The following PCF11 variants were observed in gnomAD, a reference collection of about 807,000 sequenced individuals.
PCF11 encodes pre-mRNA cleavage complex 2 protein Pcf11.
Under a neutral mutation model 166.1 loss-of-function variants are expected in PCF11, and 19 were observed. That is an observed-to-expected ratio of 0.11 (90% CI 0.08 to 0.17). The LOEUF (loss-of-function observed/expected upper bound fraction) is 0.17, where lower values mean the gene tolerates loss of function less well. Ranked by LOEUF, PCF11 falls within the 10% of genes least tolerant of loss-of-function variation. The pLI is 1.00. For synonymous variants in PCF11, 663 were observed against 644.1 expected (o/e 1.03, Z -0.44); for missense variants, 1,565 against 1,855.5 (o/e 0.84, Z 2.88).
At chr11:83,183,345 T>C (rs544479404) in intron 15 of PCF11, among the ~76,000 whole-genome samples, 38 of 152,320 alleles carry the variant, frequency 2.5e-4, no homozygotes, top group Admixed American at 1.6e-3. Flanking sequence ...TCATGGTATC[T>C]TTTACTAGTC....
At chr11:83,183,835 A>G (rs561676875) in intron 15 of PCF11, among the ~76,000 whole-genome samples, 84 of 152,242 alleles carry the variant, frequency 5.5e-4, no homozygotes, top group Non-Finnish European at 1.2e-3. Flanking sequence ...TCTAAAAATG[A>G]TACCAGTCGT....
intron 9 of PCF11, 104 bp from the exon 10 acceptor site, chr11:83,176,981 A>C (rs973871965): frequency 8.8e-6 from 6 of 678,038 alleles, no homozygotes; most frequent in Non-Finnish European, 1.3e-5. Flanking sequence ...TGTTGGCAGG[A>C]CATCTTGAAG....
rs771273315 is a variant in PCF11, at chr11:83,161,472, C to T, written c.318+20C>T. 2.0e-6 allele frequency: 3 copies of T among 1,516,014 alleles called. No homozygotes were observed. The highest frequency in any genetic ancestry group is 2.6e-5 in the Admixed American group (1 of 39,050). The allele number at this position is 1,516,014 out of a possible 1,614,324, so 93.9% of individuals were successfully genotyped here. On this transcript the variant is annotated intron_variant, in intron 2 of 15. Transcript: ENST00000298281. The stretch of plus-strand genomic sequence containing the variant: ...GAAAAGGTACATATGCATTTAGAAA[C>T]ATTTGCGTTTTTTTTTAAAAAATGT...
At chr11:83,173,151 T>G (rs1197345672) in intron 9 of PCF11, among the ~76,000 whole-genome samples, 1 of 152,146 alleles carries the variant, frequency 6.6e-6, no homozygotes, top group African/African-American at 2.4e-5. Context: ...AGGTTCAGTT[T>G]TTTCCCTCTG....
At chr11:83,184,054 A>AG (rs1488775749) in intron 15 of PCF11, 1 of 148,836 alleles carries the variant, frequency 6.7e-6, no homozygotes, top group East Asian at 2.1e-4. Flanking sequence ...TGTGAGGCTG[A>AG]GGCAGGAGAA....
intron 14 of PCF11, among the ~76,000 whole-genome samples, chr11:83,182,805 A>T (rs562139733): frequency 6.6e-6 from 1 of 152,208 alleles, no homozygotes; most frequent in Non-Finnish European, 1.5e-5. Flanking sequence ...TCATCAAACT[A>T]TACTGTGCTG....
rs377085297 is a variant in PCF11, at chr11:83,157,647, G to A, written c.192+16G>A. ...AACCGCCAAGGTTTTTATACACCCC[G>A]CAGCCTCCTATTACTTCTAATACTC... On this transcript the variant is annotated intron_variant, in intron 1 of 15. Transcript: ENST00000298281. The A allele has an allele frequency of 4.4e-6, 7 of 1,608,812 alleles. No homozygotes were observed. The highest frequency in any genetic ancestry group is 6.0e-6 in the Non-Finnish European group (7 of 1,175,414).
intron 1 of PCF11, among the ~76,000 whole-genome samples, chr11:83,160,517 A>G (rs942389436): frequency 6.6e-6 from 1 of 151,826 alleles, no homozygotes; most frequent in African/African-American, 2.4e-5. Flanking sequence ...CTGGGGCAAC[A>G]TTTCTTTACT....
At chr11:83,163,278 C>G (rs1860325698) in intron 2 of PCF11, among the ~76,000 whole-genome samples, 1 of 152,154 alleles carries the variant, frequency 6.6e-6, no homozygotes, top group South Asian at 2.1e-4. Flanking sequence ...TAACTTTGTA[C>G]TACTATGTAA....
rs988122652 is a variant in PCF11, at chr11:83,157,696, C to T, written c.192+65C>T. 10 of 1,429,422 alleles carry T rather than the reference C, an allele frequency of 7.0e-6. No individual in the cohort carries two copies. The African/African-American group carries it at 7.0e-5, about 10-fold the overall frequency. The allele number at this position is 1,429,422 out of a possible 1,614,324, so 88.5% of individuals were successfully genotyped here. ...TCCCTGATTTTAGTGTCAGCCTCAT[C>T]CCAGGTCTCGCTTCCATCCCAAGGG... On this transcript the variant is annotated intron_variant, in intron 1 of 15. Transcript: ENST00000298281.
intron 2 of PCF11, among the ~76,000 whole-genome samples, chr11:83,163,437 C>T (rs1296832854): frequency 2.0e-5 from 3 of 151,686 alleles, no homozygotes; most frequent in Admixed American, 1.3e-4. Flanking sequence ...GATGTGGAAA[C>T]GTTTTGTATA....
exon 8 of PCF11, chr11:83,169,648 T>C: frequency 9.9e-6 from 16 of 1,613,942 alleles, no homozygotes; most frequent in Non-Finnish European, 1.4e-5. Flanking sequence ...AGCATCAAGG[T>C]TTGATATTCC....
intron 1 of PCF11, 155 bp downstream of exon 1, chr11:83,157,786 G>C (rs1860050956): frequency 2.9e-6 from 2 of 679,338 alleles, no homozygotes; most frequent in Non-Finnish European, 5.0e-6. Context: ...TTTGGCCCAG[G>C]CTTCGAGCAT....
At position 83,184,806 on chromosome 11, in the gene PCF11, G is replaced by T; in HGVS notation, c.4580G>T (p.Arg1527Leu). ...GACAGTCCCAAAGTTAAGGAAGAAC[G>T]AATTGATACACCACCAGCTTGTACA... The change falls in exon 16 of 16, where the codon CGA becomes CTA. Residue 1527 changes from arginine to leucine, a missense_variant. By Grantham distance (102) the Arg-to-Leu change is moderately radical. This residue lies in a region of PCF11 where 99 missense variants were observed against 89.1 expected (regional missense o/e 1.11). Coordinates refer to ENST00000298281, the Ensembl canonical transcript of PCF11. 1.9e-5 allele frequency: 30 copies of T among 1,606,934 alleles called. 1 individual carries two copies. The highest frequency in any genetic ancestry group is 2.5e-5 in the Non-Finnish European group (30 of 1,177,496).
intron 7 of PCF11, 137 bp downstream of exon 7, chr11:83,168,035 C>A: frequency 1.4e-6 from 1 of 708,666 alleles, no homozygotes; most frequent in Non-Finnish European, 2.0e-6. Context: ...ATGTTTTTTC[C>A]CTTTAAGGAA....
At chr11:83,164,622 C>G (rs539005996) in intron 4 of PCF11, among the ~76,000 whole-genome samples, 1 of 152,076 alleles carries the variant, frequency 6.6e-6, no homozygotes, top group South Asian at 2.1e-4. Flanking sequence ...GTGGATCATG[C>G]CTGTAATCCC....
rs756162373 is a variant in PCF11 at position 83,181,089 on chromosome 11, A to G, written c.4065A>G (p.Thr1355=). The change falls in exon 12 of 16, where the codon ACA becomes ACG. Residue 1355 remains threonine (T), a synonymous_variant. Transcript: ENST00000298281. ...GAATGAGGTTTACAACATCACAGAC[A>G]GATGTTTATGCAGATCATTTGGACT... 2.5e-6 allele frequency: 4 copies of G among 1,605,104 alleles called. No individual in the cohort carries two copies. In the Admixed American group the frequency reaches 6.7e-5, roughly 27 times the overall value.
At position 83,177,795 on chromosome 11, in the gene PCF11, AT is replaced by A; in HGVS notation, c.3963del (p.Phe1321LeufsTer6). On this transcript the variant is annotated frameshift_variant, in exon 11 of 16. Coordinates refer to ENST00000298281, the Ensembl canonical transcript of PCF11. LOFTEE classifies it high-confidence loss of function. ...GATCAAGATGTTCCAGATCTTACTA[AT>A]TTTACAGTTGAAGAATTGAAACAGT... 1 of 1,521,338 alleles carries A rather than the reference AT, an allele frequency of 6.6e-7. No individual in the cohort carries two copies. The highest frequency in any genetic ancestry group is 8.9e-7 in the Non-Finnish European group (1 of 1,123,018). 94.2% of individuals were successfully genotyped at this position (1,521,338 alleles called of 1,614,324 possible).
chr11:83,170,888 A>G (rs531321313), intron 8 of PCF11, among the ~76,000 whole-genome samples: 1 of 152,312 alleles, frequency 6.6e-6, no homozygotes, highest in East Asian at 1.9e-4. Context: ...TTCATCTCTA[A>G]TGGTACGAAA....
Sources: allele counts gnomAD v4.1 joint callset (sites outside exome capture counted in the v4.1 genomes callset), GRCh38; gene constraint gnomAD v4.1.1; regional missense constraint gnomAD v4.1.1; transcripts MANE v1.5; gene names NCBI Gene and HGNC (gene_info 2026-07-23, HGNC 2026-07-21).